The following PRKCH variants were observed in gnomAD, a reference collection of about 807,000 sequenced individuals.
The protein encoded by PRKCH is protein kinase C eta type.
A neutral mutation model predicts 82.5 loss-of-function variants in PRKCH; 28 were observed. The ratio of observed to expected loss-of-function variants is 0.34; its 90% CI spans 0.25 to 0.47. The LOEUF (loss-of-function observed/expected upper bound fraction) is 0.47, where lower values mean the gene tolerates loss of function less well. PRKCH is among the 20% of genes least tolerant of loss of function. PRKCH has a pLI of 1.00. For synonymous variants in PRKCH, 322 were observed against 327.4 expected, an observed-to-expected ratio of 0.98 and a Z score of 0.18; for missense variants, 705 against 881.8, an observed-to-expected ratio of 0.80 and a Z score of 2.54.
chr14:61,339,622 C>CTTTTTTTTT (rs757220300), intron 1 of PRKCH, among the ~76,000 whole-genome samples: 2 of 59,998 alleles, frequency 3.3e-5, no homozygotes, highest in Non-Finnish European at 3.0e-5. Context: ...CAAGCCCGGC[C>CTTTTTTTTT]TTTTTTTTTT....
At chr14:61,283,757 G>A (rs893870885) in intron 1 of PRKCH, among the ~76,000 whole-genome samples, 1 of 152,142 alleles carries the variant, frequency 6.6e-6, no homozygotes, top group African/African-American at 2.4e-5. Flanking sequence ...GCTGAGGTGG[G>A]AGGATAGCTT....
chr14:61,490,842 C>T lies in PRKCH; in HGVS notation c.1433+5186C>T, dbSNP rs373210710. 4.6e-5 allele frequency among the ~76,000 whole-genome samples: 7 copies of T among 152,144 alleles called. No homozygotes were observed. The South Asian group carries it at 1.0e-3, about 23-fold the overall frequency. On this transcript the variant is annotated intron_variant, in intron 10 of 13. Coordinates refer to ENST00000332981, the MANE Select transcript of PRKCH (RefSeq NM_006255.5). ...CTGAGATGGGAGGATCACTTGAGCACGGGAGGTGTAGGTTGCAGTGAGCCA... is the reference window on the plus strand; with the variant it reads ...CTGAGATGGGAGGATCACTTGAGCATGGGAGGTGTAGGTTGCAGTGAGCCA...
At chr14:61,425,150 G>A (rs1883043881) in intron 2 of PRKCH, among the ~76,000 whole-genome samples, 1 of 152,242 alleles carries the variant, frequency 6.6e-6, no homozygotes, top group Admixed American at 6.5e-5. Context: ...GGGAAAGTGA[G>A]GGGTTGGAGC....
At position 61,322,000 on chromosome 14, in the gene PRKCH, C is replaced by T. The variant is rs1378395418; in HGVS notation, c.-102C>T. The T allele has an allele frequency of 6.1e-6, 8 of 1,318,692 alleles. No individual in the cohort carries two copies. In the African/African-American group the frequency reaches 1.2e-4, roughly 20 times the overall value. The allele number at this position is 1,318,692 out of a possible 1,614,324, so 81.7% of individuals were successfully genotyped here. A position where few individuals can be genotyped will look rare whatever the true frequency, so the allele number is the denominator to read the frequency against. On this transcript the variant is annotated 5_prime_UTR_variant, in exon 1 of 14. Coordinates refer to ENST00000332981, the MANE Select transcript of PRKCH (RefSeq NM_006255.5). The surrounding 1 kb of genome is among the most constrained non-coding windows in gnomAD (Gnocchi z 4.1). Reference sequence around the variant, plus strand: ...AGGCGCTGCCTTTCCCCAGGGCTGCCTCGACTCCTGCACCTGTCCCGAGGG... The same window carrying T: ...AGGCGCTGCCTTTCCCCAGGGCTGCTTCGACTCCTGCACCTGTCCCGAGGG...
intron 1 of PRKCH, among the ~76,000 whole-genome samples, chr14:61,334,484 G>A (rs576849148): frequency 2.0e-5 from 3 of 152,062 alleles, no homozygotes; most frequent in Non-Finnish European, 2.9e-5. Flanking sequence ...TGCACAGAGC[G>A]GGTGACAATT....
intron 9 of PRKCH, among the ~76,000 whole-genome samples, chr14:61,478,877 A>G (rs1444250507): frequency 6.6e-6 from 1 of 152,112 alleles, no homozygotes; most frequent in Non-Finnish European, 1.5e-5. Context: ...AAAAACAAAA[A>G]TTGTGTGTAT....
chr14:61,188,611 GGTGTGTGTGTGTGTGTGT>G (rs1170634010), intron 1 of PRKCH, among the ~76,000 whole-genome samples: 4 of 51,036 alleles, frequency 7.8e-5, no homozygotes, highest in Non-Finnish European at 1.6e-4. Context: ...GGGGTGGTGT[GGTGTGTGTGTGTGTGTGT>G]GTGTGTGTGT....
At chr14:61,264,653 G>C (rs1205588459) in intron 1 of PRKCH, among the ~76,000 whole-genome samples, 1 of 152,136 alleles carries the variant, frequency 6.6e-6, no homozygotes, top group Non-Finnish European at 1.5e-5. Flanking sequence ...TAGAGATTTA[G>C]TGACCTGTAC....
intron 1 of PRKCH, chr14:61,279,898 C>CA (rs895702269): frequency 1.3e-5 from 8 of 595,364 alleles, no homozygotes; most frequent in Non-Finnish European, 2.1e-5. Context: ...CTGCAGTCAA[C>CA]ATCCCTCCCC....
At chr14:61,322,822 A>G in intron 1 of PRKCH, 1 of 234,790 alleles carries the variant, frequency 4.3e-6, no homozygotes, top group South Asian at 9.0e-5. Context: ...AAGGAGTGAT[A>G]CAAAAGGGAC....
intron 1 of PRKCH, among the ~76,000 whole-genome samples, chr14:61,374,941 T>C (rs2046411315): frequency 6.6e-6 from 1 of 152,086 alleles, no homozygotes; most frequent in African/African-American, 2.4e-5. Flanking sequence ...ACTGCATGGT[T>C]GTACTGCAAA....
At position 61,476,874 on chromosome 14, in the gene PRKCH, A is replaced by G. The variant is rs572248942; in HGVS notation, c.1279-8628A>G. ...GCAAAATGATAAGTTCAAAAAAAAA[A>G]TGCAGCCATTAGACTCCTTCTCATT... On this transcript the variant is annotated intron_variant, in intron 9 of 13. Transcript: ENST00000332981. 3.0e-4 allele frequency among the ~76,000 whole-genome samples: 46 copies of G among 151,984 alleles called. No individual in the cohort carries two copies. The South Asian group carries it at 9.3e-3, about 31-fold the overall frequency.
chr14:61,502,407 TG>T (rs1465064281), intron 10 of PRKCH, among the ~76,000 whole-genome samples: 1 of 152,126 alleles, frequency 6.6e-6, no homozygotes, highest in Non-Finnish European at 1.5e-5. Flanking sequence ...GTTCAAGTCC[TG>T]GAAATAATTC....
chr14:61,482,167 T>A (rs1295896181), intron 9 of PRKCH, among the ~76,000 whole-genome samples: 2 of 152,026 alleles, frequency 1.3e-5, no homozygotes, highest in Non-Finnish European at 2.9e-5. Flanking sequence ...GCTAATTTTC[T>A]TGTACTTTTA....
At chr14:61,411,608 A>G (rs1013980214) in intron 2 of PRKCH, among the ~76,000 whole-genome samples, 26 of 152,190 alleles carry the variant, frequency 1.7e-4, no homozygotes, top group Admixed American at 1.6e-3. Context: ...AGTTTTTTCA[A>G]ACTGCCTTAA....
chr14:61,380,848 C>A (rs1431178529), intron 1 of PRKCH, among the ~76,000 whole-genome samples: 1 of 152,158 alleles, frequency 6.6e-6, no homozygotes, highest in African/African-American at 2.4e-5. Context: ...GGCAGAAAAA[C>A]TTTGAAAAAT....
At chr14:61,288,082 AT>A (rs964482838) in intron 1 of PRKCH, among the ~76,000 whole-genome samples, 4 of 152,324 alleles carry the variant, frequency 2.6e-5, no homozygotes, top group Admixed American at 2.6e-4. Flanking sequence ...AAAGCCATAT[AT>A]TCTAACAGCC....
intron 1 of PRKCH, among the ~76,000 whole-genome samples, chr14:61,239,127 T>G (rs2044814077): frequency 6.6e-6 from 1 of 152,278 alleles, no homozygotes; most frequent in Middle Eastern, 3.4e-3. Context: ...AGGAATCACC[T>G]CCTGTTCATG....
intron 1 of PRKCH, chr14:61,279,228 C>T (rs2045233507): frequency 6.6e-6 from 1 of 152,198 alleles, no homozygotes; most frequent in Non-Finnish European, 1.5e-5. Context: ...ATCACATAAA[C>T]CCTGTCCTAC....
Sources: allele counts gnomAD v4.1 joint callset (sites outside exome capture counted in the v4.1 genomes callset), GRCh38; gene constraint gnomAD v4.1.1; non-coding constraint Gnocchi (gnomAD v3.1); transcripts MANE v1.5; gene names NCBI Gene and HGNC (gene_info 2026-07-23, HGNC 2026-07-21).